RBFOX2: variants seen among roughly 807,000 people sequenced by gnomAD.
The protein encoded by RBFOX2 is RNA binding fox-1 homolog 2.
Under a neutral mutation model 49.1 loss-of-function variants are expected in RBFOX2, and 10 were observed. The ratio of observed to expected loss-of-function variants is 0.20; its 90% CI spans 0.13 to 0.35. The LOEUF is 0.35. Ranked by LOEUF, RBFOX2 falls within the 10% of genes least tolerant of loss-of-function variation. The pLI is 1.00. For missense variants in RBFOX2, 323 were observed against 486.9 expected (o/e 0.66, Z 3.17); for synonymous variants, 183 against 187.4 (o/e 0.98, Z 0.19).
intron 1 of RBFOX2, among the ~76,000 whole-genome samples, chr22:35,900,774 G>A (rs937174445): frequency 2.0e-5 from 3 of 152,088 alleles, no homozygotes; most frequent in African/African-American, 7.2e-5. Flanking sequence ...AAGAATCTCA[G>A]GCCCCACCCT....
In RBFOX2 at chr22:35,761,165, A is replaced by G. The variant is rs377483409; in HGVS notation, c.754+37T>C. On this transcript the variant is annotated intron_variant, in intron 8 of 11. Transcript: ENST00000405409. Reference sequence around the variant, plus strand: ...CAGTACATGATAGTTCACTCACAACAGTCAAAATCCATGCCAGGCCAACAT... The same window carrying G: ...CAGTACATGATAGTTCACTCACAACGGTCAAAATCCATGCCAGGCCAACAT... 12 of 1,568,306 alleles carry G rather than the reference A, an allele frequency of 7.7e-6. No homozygotes were observed. In the African/African-American group the frequency reaches 9.5e-5, roughly 12 times the overall value.
At chr22:35,898,111 C>G in intron 1 of RBFOX2, 1 of 741,580 alleles carries the variant, frequency 1.3e-6, no homozygotes, top group Admixed American at 1.7e-5. Flanking sequence ...GCCCAGGTCT[C>G]CCATGGGACG....
At chr22:35,812,182 A>T (rs1387663857) in intron 1 of RBFOX2, among the ~76,000 whole-genome samples, 1 of 151,440 alleles carries the variant, frequency 6.6e-6, no homozygotes, top group African/African-American at 2.4e-5. Context: ...AATCGCTTGA[A>T]CTCAGGAGGA....
chr22:36,005,550 T>C (rs1283885388), intron 1 of RBFOX2, among the ~76,000 whole-genome samples: 1 of 152,216 alleles, frequency 6.6e-6, no homozygotes, highest in Admixed American at 6.5e-5. Context: ...ATAAAAGCTT[T>C]AAATAATTAA....
chr22:35,821,024 G>A (rs530532617), intron 1 of RBFOX2, among the ~76,000 whole-genome samples: 3 of 152,270 alleles, frequency 2.0e-5, no homozygotes, highest in African/African-American at 7.2e-5. Flanking sequence ...TTCAACCCCA[G>A]GGTACTGTAG....
At chr22:35,781,831 CAG>C (rs1018848406) in intron 2 of RBFOX2, 85 bp from the exon 4 acceptor site, 67 of 1,564,532 alleles carry the variant, frequency 4.3e-5, no homozygotes, top group Non-Finnish European at 5.7e-5. Context: ...CATCCCCAAA[CAG>C]GGTATGTTTA....
At chr22:35,778,580 G>T (rs1365662645) in intron 3 of RBFOX2, among the ~76,000 whole-genome samples, 2 of 152,006 alleles carry the variant, frequency 1.3e-5, no homozygotes, top group Admixed American at 6.6e-5. Context: ...AGCATTCCAG[G>T]CTTTCCCTCA....
chr22:35,979,906 T>C (rs2057374536), intron 1 of RBFOX2, among the ~76,000 whole-genome samples: 1 of 152,116 alleles, frequency 6.6e-6, no homozygotes, highest in Non-Finnish European at 1.5e-5. Context: ...ATTCGACAAA[T>C]AGGTAACCAT....
intron 1 of RBFOX2, among the ~76,000 whole-genome samples, chr22:36,026,385 C>T (rs565513686): frequency 6.6e-6 from 1 of 152,054 alleles, no homozygotes; most frequent in East Asian, 1.9e-4. Context: ...CTCTGCACAC[C>T]CCTGCGAAGT....
At chr22:36,003,249 C>T (rs139384962) in intron 1 of RBFOX2, among the ~76,000 whole-genome samples, 31 of 152,290 alleles carry the variant, frequency 2.0e-4, no homozygotes, top group African/African-American at 6.3e-4. Flanking sequence ...CATTACTAGG[C>T]GTTGGCATTC....
chr22:35,754,328 T>C (rs1936191077), intron 9 of RBFOX2, among the ~76,000 whole-genome samples: 1 of 151,880 alleles, frequency 6.6e-6, no homozygotes, highest in Non-Finnish European at 1.5e-5. Context: ...CCTGACCTCA[T>C]GATCTGCCCG....
At chr22:35,740,447 C>T (rs1215008608) in exon 12 of RBFOX2, 1 of 152,602 alleles carries the variant, frequency 6.6e-6, no homozygotes, top group Non-Finnish European at 1.5e-5. Flanking sequence ...CTGATGTTCA[C>T]CTTGCCCACT....
upstream of RBFOX2, among the ~76,000 whole-genome samples, chr22:35,843,778 G>A (rs954500263): frequency 6.6e-6 from 1 of 152,138 alleles, no homozygotes; most frequent in African/African-American, 2.4e-5. Context: ...CACACCAGAG[G>A]TTCTTAACCC....
intron 1 of RBFOX2, among the ~76,000 whole-genome samples, chr22:35,837,626 C>T (rs528481131): frequency 6.6e-6 from 1 of 152,236 alleles, no homozygotes; most frequent in African/African-American, 2.4e-5. Flanking sequence ...CAACTATGTA[C>T]ATTACATTAA....
At chr22:35,835,555 CAT>C (rs1238564250) in intron 1 of RBFOX2, among the ~76,000 whole-genome samples, 1 of 151,984 alleles carries the variant, frequency 6.6e-6, no homozygotes, top group East Asian at 1.9e-4. Flanking sequence ...TGAGGAATGT[CAT>C]TACTGTTCAA....
At chr22:35,837,165 A>T (rs1379015221) in intron 1 of RBFOX2, among the ~76,000 whole-genome samples, 1 of 152,242 alleles carries the variant, frequency 6.6e-6, no homozygotes, top group Non-Finnish European at 1.5e-5. Flanking sequence ...GGCCCTATAA[A>T]AGTAGAGCAT....
At chr22:35,810,076 T>C in intron 1 of RBFOX2, 72 bp from the exon 3 acceptor site, 1 of 1,448,714 alleles carries the variant, frequency 6.9e-7, no homozygotes, top group South Asian at 1.2e-5. Flanking sequence ...AAAGTGAGTA[T>C]ATGGAATTCT....
chr22:36,005,977 T>C (rs1202167676), intron 1 of RBFOX2, among the ~76,000 whole-genome samples: 1 of 152,226 alleles, frequency 6.6e-6, no homozygotes, highest in African/African-American at 2.4e-5. Context: ...CAGGTTTAGT[T>C]CAAGCTTTCC....
At chr22:35,741,704 T>C (rs1256727724) in exon 12 of RBFOX2, 1 of 152,784 alleles carries the variant, frequency 6.5e-6, no homozygotes, top group African/African-American at 2.4e-5. Flanking sequence ...GAGCTTGCCT[T>C]TGGAGGCCTC....
Sources: gnomAD v4.1 joint callset for allele counts (sites outside exome capture counted in the v4.1 genomes callset) on GRCh38, gnomAD v4.1.1 for gene constraint, MANE v1.5 for transcripts, NCBI Gene and HGNC (gene_info 2026-07-23, HGNC 2026-07-21) for gene names.